STXBP5L: variants seen among roughly 807,000 people sequenced by gnomAD.
The protein encoded by STXBP5L is syntaxin-binding protein 5-like.
In STXBP5L, 65 loss-of-function variants were observed where a neutral mutation model predicts 144.5. The ratio of observed to expected loss-of-function variants is 0.45; its 90% confidence interval spans 0.37 to 0.55. The LOEUF (loss-of-function observed/expected upper bound fraction) is 0.55, where lower values mean the gene tolerates loss of function less well. Among genes scored for constraint, STXBP5L ranks in the 20% least tolerant of loss-of-function variants. The pLI is 0.00. For missense variants in STXBP5L, 1,298 were observed against 1,405.5 expected, an observed-to-expected ratio of 0.92 and a Z score of 1.22; for synonymous variants, 505 against 469.6, an observed-to-expected ratio of 1.08 and a Z score of -0.97.
chr3:121,212,489 G>A (rs956246986), intron 10 of STXBP5L, among the ~76,000 whole-genome samples: 2 of 152,124 alleles, frequency 1.3e-5, no homozygotes, highest in Non-Finnish European at 2.9e-5. Flanking sequence ...CCCATTGCTT[G>A]TTTTTGTCAG....
At chr3:121,320,701 C>CTTTTT (rs533248342) in intron 20 of STXBP5L, among the ~76,000 whole-genome samples, 157 of 134,880 alleles carry the variant, frequency 1.2e-3, no homozygotes, top group Middle Eastern at 3.9e-3. Flanking sequence ...AACGACCACA[C>CTTTTT]TTTTTTTTTT....
intron 11 of STXBP5L, among the ~76,000 whole-genome samples, chr3:121,228,104 A>T (rs1177266837): frequency 6.6e-6 from 1 of 152,226 alleles, no homozygotes; most frequent in Non-Finnish European, 1.5e-5. Context: ...ACTGCTAAAT[A>T]ATAGTTACTT....
chr3:121,107,364 C>A (rs1216939198), intron 5 of STXBP5L, among the ~76,000 whole-genome samples: 2 of 151,644 alleles, frequency 1.3e-5, no homozygotes, highest in Non-Finnish European at 2.9e-5. Flanking sequence ...ACATTTAAGT[C>A]TTTAATCCAT....
At chr3:121,292,246 A>G (rs552721316) in intron 19 of STXBP5L, among the ~76,000 whole-genome samples, 72 of 152,352 alleles carry the variant, frequency 4.7e-4, no homozygotes, top group African/African-American at 1.7e-3. Context: ...ACATGAATAG[A>G]CAATTCTCAA....
chr3:121,209,336 G>A (rs2048463912), intron 10 of STXBP5L, among the ~76,000 whole-genome samples: 1 of 152,088 alleles, frequency 6.6e-6, no homozygotes, highest in Admixed American at 6.6e-5. Context: ...AGATCCTTGA[G>A]GAATCGCCAC....
At chr3:121,259,890 T>C (rs561399108) in intron 18 of STXBP5L, among the ~76,000 whole-genome samples, 2 of 152,124 alleles carry the variant, frequency 1.3e-5, no homozygotes, top group East Asian at 3.9e-4. Flanking sequence ...CTACATTTCC[T>C]CTGGCAGTCT....
At chr3:121,004,666 G>A (rs1015619784) in intron 3 of STXBP5L, among the ~76,000 whole-genome samples, 29 of 152,086 alleles carry the variant, frequency 1.9e-4, no homozygotes, top group Non-Finnish European at 2.4e-4. Flanking sequence ...TTGCCCATTT[G>A]GTATGATATT....
intron 14 of STXBP5L, among the ~76,000 whole-genome samples, chr3:121,242,821 C>T (rs894383439): frequency 6.6e-6 from 1 of 152,012 alleles, no homozygotes; most frequent in African/African-American, 2.4e-5. Context: ...AGAGTGATAT[C>T]AACAAGGTGA....
intron 9 of STXBP5L, among the ~76,000 whole-genome samples, chr3:121,187,310 C>G (rs2047428993): frequency 6.7e-6 from 1 of 149,100 alleles, no homozygotes; most frequent in Admixed American, 6.8e-5. Context: ...GACAAAAAAA[C>G]AAACACTGCA....
At chr3:121,137,294 T>A (rs1443243222) in intron 7 of STXBP5L, among the ~76,000 whole-genome samples, 1 of 152,120 alleles carries the variant, frequency 6.6e-6, no homozygotes, top group Non-Finnish European at 1.5e-5. Flanking sequence ...TGGTAAACTT[T>A]TAGCTACACT....
intron 5 of STXBP5L, among the ~76,000 whole-genome samples, chr3:121,101,486 A>G (rs1559746766): frequency 6.6e-6 from 1 of 152,156 alleles, no homozygotes; most frequent in African/African-American, 2.4e-5. Context: ...AAACCATATG[A>G]TCATCTCAAT....
chr3:121,151,657 T>G (rs1042641411), intron 7 of STXBP5L, among the ~76,000 whole-genome samples: 1 of 152,156 alleles, frequency 6.6e-6, no homozygotes, highest in African/African-American at 2.4e-5. Context: ...AAAATCATCT[T>G]AAGGCAAATC....
At chr3:121,006,381 C>CTT (rs563813045) in intron 3 of STXBP5L, among the ~76,000 whole-genome samples, 17 of 151,800 alleles carry the variant, frequency 1.1e-4, no homozygotes. Flanking sequence ...CAATCCCTGC[C>CTT]TTTTTTTGTT....
intron 20 of STXBP5L, among the ~76,000 whole-genome samples, chr3:121,353,415 G>T (rs1409940866): frequency 6.6e-6 from 1 of 152,110 alleles, no homozygotes; most frequent in African/African-American, 2.4e-5. Context: ...TCTTTGGAGG[G>T]TGTGTGTGTC....
At position 121,058,914 on chromosome 3, in the gene STXBP5L, C is replaced by A. The variant is rs974166326; in HGVS notation, c.470+13379C>A. ...AGATTGCAAAAAATGTTCTCCCATT[C>A]TGTGGGTTGCCTGTTCACTCTGATG... On this transcript the variant is annotated intron_variant, in intron 5 of 26. Coordinates refer to ENST00000471454, the MANE Select transcript of STXBP5L (RefSeq NM_001308330.2). Among the ~76,000 whole-genome samples the A allele has an allele frequency of 5.3e-5, 8 of 152,252 alleles. No individual in the cohort carries two copies. The East Asian group carries it at 1.5e-3, about 29-fold the overall frequency.
In STXBP5L at chr3:121,060,410, C is replaced by T. The variant is rs532961144; in HGVS notation, c.470+14875C>T. Among the ~76,000 whole-genome samples the T allele has an allele frequency of 9.1e-4, 139 of 152,268 alleles. 1 individual carries two copies. The highest frequency in any genetic ancestry group is 1.8e-3 in the Admixed American group (27 of 15,290). Reference sequence around the variant, plus strand: ...TGAAGATTTTCACATCGATATTCATCAGGGATATTGGCCTGAAATTTTCCT... The same window carrying T: ...TGAAGATTTTCACATCGATATTCATTAGGGATATTGGCCTGAAATTTTCCT... On this transcript the variant is annotated intron_variant, in intron 5 of 26. Transcript: ENST00000471454.
intron 19 of STXBP5L, among the ~76,000 whole-genome samples, chr3:121,300,198 G>A (rs2051834212): frequency 6.6e-6 from 1 of 151,898 alleles, no homozygotes; most frequent in African/African-American, 2.4e-5. Context: ...AAAAACAACT[G>A]TCAATCCAGA....
At chr3:120,966,158 T>G (rs1477686691) in intron 3 of STXBP5L, among the ~76,000 whole-genome samples, 1 of 152,212 alleles carries the variant, frequency 6.6e-6, no homozygotes, top group Non-Finnish European at 1.5e-5. Context: ...TATACACTGT[T>G]TATTCTAGTT....
At chr3:120,999,490 A>T (rs1943602551) in intron 3 of STXBP5L, among the ~76,000 whole-genome samples, 1 of 152,214 alleles carries the variant, frequency 6.6e-6, no homozygotes, top group South Asian at 2.1e-4. Context: ...GGTCTCTCGA[A>T]GACAGCGTAC....
Sources: allele counts gnomAD v4.1 joint callset (sites outside exome capture counted in the v4.1 genomes callset), GRCh38; gene constraint gnomAD v4.1.1; transcripts MANE v1.5; gene names NCBI Gene and HGNC (gene_info 2026-07-23, HGNC 2026-07-21).